The following MED12L variants were observed in gnomAD, a reference collection of about 807,000 sequenced individuals.
The protein encoded by MED12L is mediator of RNA polymerase II transcription subunit 12-like protein.
MED12L carries 60 observed loss-of-function variants against 281.3 expected under a neutral mutation model. That is an observed-to-expected ratio of 0.21 (90% CI 0.17 to 0.26). The LOEUF (loss-of-function observed/expected upper bound fraction) is 0.26, where lower values mean the gene tolerates loss of function less well. MED12L is among the 10% of genes least tolerant of loss of function. The pLI, the probability that MED12L is intolerant of heterozygous loss-of-function variation, is 1.00. For missense variants in MED12L, 2,146 were observed against 2,680.9 expected (o/e 0.80, Z 4.41); for synonymous variants, 974 against 987.2 (o/e 0.99, Z 0.25).
chr3:151,327,855 A>G (rs1749830871), intron 16 of MED12L: 2 of 628,786 alleles, frequency 3.2e-6, no homozygotes, highest in East Asian at 2.8e-5. Flanking sequence ...TAAATTTTAT[A>G]TAATCTTTTC....
intron 6 of MED12L, among the ~76,000 whole-genome samples, chr3:151,157,378 C>T (rs1719423702): frequency 6.6e-6 from 1 of 151,910 alleles, no homozygotes; most frequent in African/African-American, 2.4e-5. Context: ...CACGTGAAGA[C>T]ATGTATATGC....
chr3:151,211,377 T>G (rs1049107999), intron 16 of MED12L, among the ~76,000 whole-genome samples: 1 of 149,878 alleles, frequency 6.7e-6, no homozygotes, highest in East Asian at 2.0e-4. Context: ...GTTTTTTTTT[T>G]TTGTTTCGTT....
At chr3:151,149,896 G>A (rs1718227337) in intron 5 of MED12L, among the ~76,000 whole-genome samples, 1 of 152,188 alleles carries the variant, frequency 6.6e-6, no homozygotes, top group Non-Finnish European at 1.5e-5. Context: ...GGAGGTTGCA[G>A]CAATTCAGTC....
rs1713671046 is a variant in MED12L at position 151,387,952 on chromosome 3, T to G, written c.5231T>G (p.Leu1744Arg). ...RVIKYEEQHHLLLYHTHPMPK... is the reference protein window; with the variant it reads ...RVIKYEEQHHRLLYHTHPMPK... ...ATCAAGTACGAGGAGCAGCATCACC[T>G]CCTGCTGTATCACACACACCCCATG... The change falls in exon 37 of 45, where the codon CTC (leucine) becomes CGC (arginine). Residue 1744 changes from leucine (L) to arginine (R), a missense_variant. Leu to Arg is a moderately radical substitution (Grantham distance 102, BLOSUM62 -2). This residue lies in a region of MED12L where 496 missense variants were observed against 512.0 expected (regional missense o/e 0.97). Coordinates refer to ENST00000687756, the MANE Select transcript of MED12L (RefSeq NM_001393769.1). 1 of 1,613,934 alleles carries G rather than the reference T, an allele frequency of 6.2e-7. No individual in the cohort carries two copies. The highest frequency in any genetic ancestry group is 1.7e-5 in the Admixed American group (1 of 59,996).
At chr3:151,166,737 G>A (rs1302425958) in intron 11 of MED12L, among the ~76,000 whole-genome samples, 3 of 151,674 alleles carry the variant, frequency 2.0e-5, no homozygotes, top group African/African-American at 4.8e-5. Context: ...GTGCAGTGGT[G>A]CAATCTCGGC....
At chr3:151,179,102 A>G (rs75582752) in intron 11 of MED12L, among the ~76,000 whole-genome samples, 11,537 of 152,174 alleles carry the variant, frequency 0.076, 956 homozygotes, top group East Asian at 0.21. Flanking sequence ...CACTTTGGAA[A>G]GCTGAGGTGA....
intron 16 of MED12L, among the ~76,000 whole-genome samples, chr3:151,273,874 C>G (rs1741425379): frequency 1.3e-5 from 2 of 152,284 alleles, no homozygotes; most frequent in South Asian, 4.2e-4. Context: ...ATTTAAGACC[C>G]TCATTTTTGT....
intron 43 of MED12L, among the ~76,000 whole-genome samples, chr3:151,427,248 C>T (rs889635274): frequency 6.6e-6 from 1 of 152,166 alleles, no homozygotes; most frequent in Admixed American, 6.5e-5. Flanking sequence ...GTGAAAAAAG[C>T]AGATAATGTC....
At chr3:151,393,918 ATCAAGGACTAT>A (rs1481353676) in intron 38 of MED12L, among the ~76,000 whole-genome samples, 2 of 150,576 alleles carry the variant, frequency 1.3e-5, no homozygotes. Flanking sequence ...ATTTACATGT[ATCAAGGACTAT>A]TTTTGGTGAA....
intron 16 of MED12L, among the ~76,000 whole-genome samples, chr3:151,238,644 C>T (rs1458721261): frequency 6.6e-6 from 1 of 152,120 alleles, no homozygotes. Context: ...CAAGGCAGTG[C>T]ACTCAACTGT....
At chr3:151,110,559 A>AT (rs1186660999) in intron 2 of MED12L, among the ~76,000 whole-genome samples, 1 of 152,126 alleles carries the variant, frequency 6.6e-6, no homozygotes, top group African/African-American at 2.4e-5. Context: ...ATCAAGGTGC[A>AT]TTTTTTTGGT....
At chr3:151,314,813 C>T (rs1167576830) in intron 16 of MED12L, among the ~76,000 whole-genome samples, 1 of 152,130 alleles carries the variant, frequency 6.6e-6, no homozygotes, top group African/African-American at 2.4e-5. Context: ...CTCTAATGAC[C>T]CTCTGATCTA....
chr3:151,249,247 A>T (rs1374111666), intron 16 of MED12L: 2 of 152,176 alleles, frequency 1.3e-5, no homozygotes, highest in African/African-American at 4.8e-5. Flanking sequence ...AGGAAGATAG[A>T]TCTTTCCCAT....
chr3:151,123,429 C>T (rs931188649), intron 4 of MED12L, among the ~76,000 whole-genome samples: 1 of 152,128 alleles, frequency 6.6e-6, no homozygotes, highest in Non-Finnish European at 1.5e-5. Context: ...TGTGCTTGTT[C>T]TTTGAAAAAT....
At chr3:151,421,037 G>A (rs1291758336) in intron 43 of MED12L, among the ~76,000 whole-genome samples, 3 of 152,208 alleles carry the variant, frequency 2.0e-5, no homozygotes, top group Non-Finnish European at 2.9e-5. Context: ...GGTCTCTGCT[G>A]TTGGCAAATT....
chr3:151,246,128 A>T (rs983860495), intron 16 of MED12L, among the ~76,000 whole-genome samples: 1 of 152,164 alleles, frequency 6.6e-6, no homozygotes, highest in African/African-American at 2.4e-5. Context: ...AGAGGATACA[A>T]ACAAATGGAA....
chr3:151,348,933 T>A (rs1752903055), intron 16 of MED12L, among the ~76,000 whole-genome samples: 1 of 152,282 alleles, frequency 6.6e-6, no homozygotes, highest in Non-Finnish European at 1.5e-5. Context: ...AGGAACACAG[T>A]GCAGTTTGTT....
intron 2 of MED12L, among the ~76,000 whole-genome samples, chr3:151,091,241 C>T (rs191834327): frequency 1.1e-4 from 16 of 152,150 alleles, no homozygotes; most frequent in African/African-American, 2.9e-4. Context: ...AGGGGCTGCC[C>T]GAAGATATAC....
intron 23 of MED12L, 144 bp from the exon 24 acceptor site, chr3:151,367,502 T>C (rs1755429623): frequency 1.6e-6 from 1 of 639,702 alleles, no homozygotes; most frequent in East Asian, 3.0e-5. Flanking sequence ...AGGATAATCA[T>C]CATGATATGT....
Sources: allele counts gnomAD v4.1 joint callset (sites outside exome capture counted in the v4.1 genomes callset), GRCh38; gene constraint gnomAD v4.1.1; regional missense constraint gnomAD v4.1.1; transcripts MANE v1.5; gene names NCBI Gene and HGNC (gene_info 2026-07-23, HGNC 2026-07-21).